FRMD6: variants seen among roughly 807,000 people sequenced by gnomAD.
The protein encoded by FRMD6 is FERM domain-containing protein 6.
FRMD6 carries 37 observed loss-of-function variants against 73.2 expected under a neutral mutation model. The observed-to-expected ratio is 0.51, with a 90% CI of 0.39 to 0.66. The LOEUF (loss-of-function observed/expected upper bound fraction) is 0.66. FRMD6 is among the 30% of genes least tolerant of loss of function. The probability of loss-of-function intolerance (pLI) is 0.00; values close to 1 mark genes in which losing one functional copy is unlikely to be tolerated. For synonymous variants in FRMD6, 273 were observed against 282.2 expected, an observed-to-expected ratio of 0.97 and a Z score of 0.33; for missense variants, 714 against 780.5, an observed-to-expected ratio of 0.91 and a Z score of 1.02.
intron 2 of FRMD6, among the ~76,000 whole-genome samples, chr14:51,640,828 T>C (rs1891776384): frequency 6.6e-6 from 1 of 152,232 alleles, no homozygotes; most frequent in South Asian, 2.1e-4. Flanking sequence ...ACACATAGTT[T>C]CATCTATTAA....
At chr14:51,704,974 CGGGCA>C in intron 6 of FRMD6, 39 bp downstream of exon 6, 1 of 1,559,504 alleles carries the variant, frequency 6.4e-7, no homozygotes, top group Non-Finnish European at 8.8e-7. Flanking sequence ...TGTTTTCTCT[CGGGCA>C]TTTCTAGTTC....
the FRMD6 span, among the ~76,000 whole-genome samples, chr14:51,419,616 T>TCC: frequency 6.6e-6 from 1 of 152,200 alleles, no homozygotes; most frequent in Non-Finnish European, 1.5e-5. Flanking sequence ...GCTTGACTTT[T>TCC]CCACTTGGCT....
At chr14:51,695,234 A>G (rs1895865170) in intron 2 of FRMD6, among the ~76,000 whole-genome samples, 1 of 152,160 alleles carries the variant, frequency 6.6e-6, no homozygotes, top group African/African-American at 2.4e-5. Context: ...TTAAGTCACA[A>G]ATTTGTAGTA....
intron 1 of FRMD6, among the ~76,000 whole-genome samples, chr14:51,563,669 CA>C (rs778650578): frequency 6.7e-6 from 1 of 148,448 alleles, no homozygotes; most frequent in Admixed American, 6.7e-5. Flanking sequence ...GATTCAGTCT[CA>C]AAAAAAAAGA....
At chr14:51,558,413 A>G (rs969670027) in intron 1 of FRMD6, among the ~76,000 whole-genome samples, 1 of 152,008 alleles carries the variant, frequency 6.6e-6, no homozygotes, top group Admixed American at 6.6e-5. Flanking sequence ...GGTTGCAGTG[A>G]GCCGAGATTG....
intron 1 of FRMD6, among the ~76,000 whole-genome samples, chr14:51,654,287 G>T (rs1160323994): frequency 8.3e-6 from 1 of 120,894 alleles, no homozygotes; most frequent in Non-Finnish European, 1.7e-5. Context: ...AATTGTTACT[G>T]AACTAGGTTA....
intron 1 of FRMD6, among the ~76,000 whole-genome samples, chr14:51,520,495 A>G (rs1410389502): frequency 6.6e-6 from 1 of 152,262 alleles, no homozygotes; most frequent in Non-Finnish European, 1.5e-5. Flanking sequence ...ACAAATGTTT[A>G]TAACAGCTTT....
intron 2 of FRMD6, among the ~76,000 whole-genome samples, chr14:51,594,479 C>T (rs774186283): frequency 5.9e-5 from 9 of 152,124 alleles, no homozygotes; most frequent in Non-Finnish European, 1.0e-4. Flanking sequence ...GAGGCATGTG[C>T]CACCACGCCC....
chr14:51,556,653 C>T (rs751796307), intron 1 of FRMD6, among the ~76,000 whole-genome samples: 54 of 152,068 alleles, frequency 3.6e-4, no homozygotes, highest in Admixed American at 1.3e-4. Flanking sequence ...AGATTTAGTC[C>T]GTTATTATGT....
At chr14:51,468,383 C>G in the FRMD6 span, among the ~76,000 whole-genome samples, 1 of 151,962 alleles carries the variant, frequency 6.6e-6, no homozygotes, top group Non-Finnish European at 1.5e-5. Context: ...GCTACTAAAA[C>G]TTTTTCTAAA....
the FRMD6 span, among the ~76,000 whole-genome samples, chr14:51,407,031 C>T: frequency 6.6e-6 from 1 of 152,088 alleles, no homozygotes. Flanking sequence ...TGAAACTTTC[C>T]ACATGGATAG....
chr14:51,523,773 A>C (rs941303400), intron 1 of FRMD6, among the ~76,000 whole-genome samples: 4 of 152,208 alleles, frequency 2.6e-5, no homozygotes, highest in African/African-American at 9.6e-5. Context: ...TGAACACATG[A>C]ACATCTGCAA....
chr14:51,477,737 C>CTTTTTTTTT, the FRMD6 span, among the ~76,000 whole-genome samples: 11 of 134,210 alleles, frequency 8.2e-5, 1 homozygote, highest in African/African-American at 2.8e-4. Context: ...TTTTCTTTTT[C>CTTTTTTTTT]TTTTTTTTTT....
At chr14:51,700,084 A>G (rs1896210141) in intron 3 of FRMD6, among the ~76,000 whole-genome samples, 1 of 151,930 alleles carries the variant, frequency 6.6e-6, no homozygotes, top group Non-Finnish European at 1.5e-5. Context: ...TTGGAGTCAA[A>G]GTGTAGCAAA....
chr14:51,453,408 C>T, the FRMD6 span, among the ~76,000 whole-genome samples: 7 of 151,992 alleles, frequency 4.6e-5, no homozygotes, highest in South Asian at 2.1e-4. Context: ...TAATGTCAGG[C>T]GGAGAAGACT....
chr14:51,400,078 C>T, the FRMD6 span, among the ~76,000 whole-genome samples: 1 of 152,120 alleles, frequency 6.6e-6, no homozygotes, highest in South Asian at 2.1e-4. Context: ...GGCTAATAAA[C>T]ACAGTCATCA....
At chr14:51,412,945 C>T in the FRMD6 span, among the ~76,000 whole-genome samples, 1 of 151,428 alleles carries the variant, frequency 6.6e-6, no homozygotes, top group African/African-American at 2.4e-5. Flanking sequence ...GCTGGGGTGA[C>T]TGCACCTGTA....
chr14:51,509,370 A>G (rs1043592046), intron 1 of FRMD6, among the ~76,000 whole-genome samples: 1 of 151,944 alleles, frequency 6.6e-6, no homozygotes, highest in African/African-American at 2.4e-5. Context: ...AAAAAAATAC[A>G]AAAAAATTTA....
intron 2 of FRMD6, among the ~76,000 whole-genome samples, chr14:51,583,674 C>CT (rs1888860166): frequency 6.6e-6 from 1 of 152,186 alleles, no homozygotes; most frequent in African/African-American, 2.4e-5. Context: ...AGTAGCAGAG[C>CT]TAGGATTTGA....
Sources: allele counts gnomAD v4.1 joint callset (sites outside exome capture counted in the v4.1 genomes callset), GRCh38; gene constraint gnomAD v4.1.1; transcripts MANE v1.5; gene names NCBI Gene and HGNC (gene_info 2026-07-23, HGNC 2026-07-21).